Variants in NUP153 observed in about 807,000 individuals in gnomAD.
The protein encoded by NUP153 is nuclear pore complex protein Nup153.
NUP153 carries 27 observed loss-of-function variants against 134.6 expected under a neutral mutation model. The ratio of observed to expected loss-of-function variants is 0.20; its 90% CI spans 0.15 to 0.28. NUP153 has a LOEUF of 0.28. Ranked by LOEUF, NUP153 falls within the 10% of genes least tolerant of loss-of-function variation. The pLI, the probability that NUP153 is intolerant of heterozygous loss-of-function variation, is 1.00. For synonymous variants in NUP153, 640 were observed against 623.5 expected (o/e 1.03, Z -0.40); for missense variants, 1,821 against 1,731.3 (o/e 1.05, Z -0.92).
At chr6:17,656,435 T>C (rs1766825504) in intron 11 of NUP153, among the ~76,000 whole-genome samples, 1 of 152,022 alleles carries the variant, frequency 6.6e-6, no homozygotes, top group Non-Finnish European at 1.5e-5. Flanking sequence ...GGAGTTTTTT[T>C]TATTTGTTAT....
At chr6:17,663,708 G>A (rs1767340935) in intron 9 of NUP153, among the ~76,000 whole-genome samples, 2 of 152,064 alleles carry the variant, frequency 1.3e-5, no homozygotes, top group African/African-American at 4.8e-5. Context: ...TAAGTTTCAA[G>A]GTTTTCAATA....
chr6:17,706,193 T>A lies in NUP153; in HGVS notation c.111+84A>T. On this transcript the variant is annotated intron_variant, in intron 1 of 21. Transcript: ENST00000262077. The surrounding 1 kb of genome is among the most constrained non-coding windows in gnomAD (Gnocchi z 5.9). ...CTCAGGCCCTCCTGTCTGCTCCACG[T>A]GGGGCGCCGGGGCCTCGAACCGCCC... 9.1e-7 allele frequency: 1 copy of A among 1,097,022 alleles called. No individual in the cohort carries two copies. Among genetic ancestry groups the A allele is most frequent in the South Asian group, 1.3e-5 (1 of 78,944 alleles). 68.0% of individuals were successfully genotyped at this position (1,097,022 alleles called of 1,614,324 possible).
chr6:17,646,006 G>T, intron 14 of NUP153, 61 bp downstream of exon 14: 1 of 645,022 alleles, frequency 1.6e-6, no homozygotes. Flanking sequence ...GAAAGAAGCT[G>T]AAATACTAAT....
chr6:17,689,699 AT>A (rs1320676351), intron 1 of NUP153, among the ~76,000 whole-genome samples: 1 of 151,524 alleles, frequency 6.6e-6, no homozygotes, highest in East Asian at 2.0e-4. Context: ...CTAATTTTGT[AT>A]TTTTAGTAGA....
chr6:17,632,105 C>T (rs1270963675), intron 17 of NUP153, among the ~76,000 whole-genome samples: 1 of 152,072 alleles, frequency 6.6e-6, no homozygotes, highest in Non-Finnish European at 1.5e-5. Context: ...CAGCCTGTAT[C>T]GCTTTTAATT....
rs1239415083 is a variant in NUP153 at position 17,624,829 on chromosome 6, G to A, written c.3906C>T (p.Ser1302=). Residue 1302 remains serine, a synonymous_variant, in exon 20 of 22, where the codon TCC becomes TCT. Transcript: ENST00000262077. Reference sequence around the variant, plus strand: ...AGGGTCCAGTTCCAAATACAAAGGAGGATCCTGGAGGCCCAAAGAAACACT... The same window carrying A: ...AGGGTCCAGTTCCAAATACAAAGGAAGATCCTGGAGGCCCAAAGAAACACT... ...GATTTSSSAG[S]SFVFGTGPSA... 2 of 1,589,214 alleles carry A rather than the reference G, an allele frequency of 1.3e-6. No individual in the cohort carries two copies. The highest frequency in any genetic ancestry group is 1.3e-5 in the African/African-American group (1 of 74,222).
At chr6:17,660,809 C>T (rs770365971) in intron 11 of NUP153, among the ~76,000 whole-genome samples, 3 of 152,036 alleles carry the variant, frequency 2.0e-5, no homozygotes, top group Non-Finnish European at 4.4e-5. Flanking sequence ...CAATTCCATT[C>T]CTAGATAAAT....
chr6:17,684,224 T>C (rs1193944086), intron 2 of NUP153, among the ~76,000 whole-genome samples: 1 of 152,222 alleles, frequency 6.6e-6, no homozygotes, highest in African/African-American at 2.4e-5. Context: ...TATTCCTTTA[T>C]AGAATGCAAA....
rs150079998 is a variant in NUP153 at position 17,637,554 on chromosome 6, G to A, written c.2063C>T (p.Pro688Leu). ...TCCAGTCTGTTTAGCAGTATCTCTG[G>A]GTGACAATTTTGCTGCTTGACAGGC... The part of the protein sequence containing the change: ...CIACQAAKLS[P>L]RDTAKQTGIE... The change falls in exon 16 of 22, where the codon CCC (proline) becomes CTC (leucine). Residue 688 changes from proline to leucine, a missense_variant. Pro to Leu is a moderately conservative substitution (Grantham distance 98). Transcript: ENST00000262077. The A allele has an allele frequency of 1.2e-6, 2 of 1,613,934 alleles. No homozygotes were observed. The highest frequency in any genetic ancestry group is 1.7e-6 in the Non-Finnish European group (2 of 1,180,016).
intron 9 of NUP153, among the ~76,000 whole-genome samples, chr6:17,663,218 TAAAAAGA>T (rs1767298821): frequency 7.1e-6 from 1 of 140,864 alleles, no homozygotes; most frequent in African/African-American, 2.6e-5. Context: ...AATATTATGC[TAAAAAGA>T]AAAAAATACA....
chr6:17,676,285 T>C (rs1304141315), intron 2 of NUP153, among the ~76,000 whole-genome samples: 1 of 152,144 alleles, frequency 6.6e-6, no homozygotes, highest in African/African-American at 2.4e-5. Context: ...GGTAATCTCT[T>C]AAATAAGCCA....
At position 17,657,151 on chromosome 6, in the gene NUP153, T is replaced by A. The variant is rs181591936; in HGVS notation, c.1395+4502A>T. On this transcript the variant is annotated intron_variant, in intron 11 of 21. Transcript: ENST00000262077. ...CAGGTTGATTATTTATAGCTTAGTT[T>A]TGGCTGTCTTGCAGATACATGTTTG... Among the ~76,000 whole-genome samples, 9 of 152,272 alleles carry A rather than the reference T, an allele frequency of 5.9e-5. No individual in the cohort carries two copies. In the East Asian group the frequency reaches 1.7e-3, roughly 29 times the overall value.
chr6:17,690,749 A>G lies in NUP153; in HGVS notation c.112-2131T>C, dbSNP rs1215531116. On this transcript the variant is annotated intron_variant, in intron 1 of 21. Transcript: ENST00000262077. Reference sequence around the variant, plus strand: ...CAAGGCAGAATATATAAATCTACCTAGAAGGGAAACTCAAGACAGAGGCCT... The same window carrying G: ...CAAGGCAGAATATATAAATCTACCTGGAAGGGAAACTCAAGACAGAGGCCT... 2.0e-5 allele frequency among the ~76,000 whole-genome samples: 3 copies of G among 152,188 alleles called. No homozygotes were observed. In the East Asian group the frequency reaches 5.8e-4, roughly 29 times the overall value.
At chr6:17,623,148 C>T (rs1013679217) in intron 20 of NUP153, among the ~76,000 whole-genome samples, 11 of 147,548 alleles carry the variant, frequency 7.5e-5, no homozygotes, top group Admixed American at 4.1e-4. Flanking sequence ...AAAAAAAAGA[C>T]GATGACAACA....
intron 14 of NUP153, among the ~76,000 whole-genome samples, chr6:17,645,029 G>A (rs372212996): frequency 5.6e-4 from 85 of 152,124 alleles, no homozygotes; most frequent in African/African-American, 2.0e-3. Context: ...AGGTTGCAGT[G>A]AGCCAAGATT....
intron 1 of NUP153, among the ~76,000 whole-genome samples, chr6:17,693,603 G>A (rs1372944492): frequency 2.6e-5 from 4 of 152,138 alleles, no homozygotes; most frequent in African/African-American, 9.7e-5. Context: ...TACTTCCTTT[G>A]AGGCCGGGAA....
intron 8 of NUP153, among the ~76,000 whole-genome samples, 197 bp from the exon 9 acceptor site, chr6:17,665,582 T>C (rs1486929491): frequency 3.3e-5 from 5 of 152,130 alleles, no homozygotes; most frequent in Non-Finnish European, 7.3e-5. Context: ...TGCACATAAA[T>C]ATACACACAT....
Position 17,629,476 on chromosome 6 carries a change from G to A in NUP153, c.2723C>T (p.Ser908Leu). The part of the protein sequence containing the change: ...AASSSFKFGV[S>L]SSSSGPSQTL... ...CTGAGAAGGCCCAGAAGAGGATGAT[G>A]AGACACCAAATTTGAAGGATGAGGA... Residue 908 changes from serine (S) to leucine (L), a missense_variant, in exon 18 of 22, where the codon TCA (serine) becomes TTA (leucine). Coordinates refer to ENST00000262077, the MANE Select transcript of NUP153 (RefSeq NM_005124.4). The A allele has an allele frequency of 1.9e-6, 3 of 1,609,264 alleles. No individual in the cohort carries two copies. The highest frequency in any genetic ancestry group is 2.5e-6 in the Non-Finnish European group (3 of 1,178,918).
At chr6:17,670,262 G>C (rs1021916147) in intron 5 of NUP153, among the ~76,000 whole-genome samples, 18 of 151,928 alleles carry the variant, frequency 1.2e-4, no homozygotes, top group African/African-American at 3.9e-4. Context: ...ATATATGGGA[G>C]AATAAACAGG....
Sources: gnomAD v4.1 joint callset for allele counts (sites outside exome capture counted in the v4.1 genomes callset) on GRCh38, gnomAD v4.1.1 for gene constraint, Gnocchi (gnomAD v3.1) non-coding constraint, MANE v1.5 for transcripts, NCBI Gene and HGNC (gene_info 2026-07-23, HGNC 2026-07-21) for gene names.